Variants in ASB2 observed in about 807,000 individuals in gnomAD.
ASB2 encodes the protein ankyrin repeat and SOCS box containing 2, also known as ankyrin repeat and SOCS box protein 2.
In ASB2, 58 loss-of-function variants were observed where a neutral mutation model predicts 62.4. The ratio of observed to expected loss-of-function variants is 0.93; its 90% CI spans 0.75 to 1.16. The LOEUF is 1.16. Among genes scored for constraint, ASB2 ranks in the 50% most tolerant of loss-of-function variants. The pLI is 0.00. For missense variants in ASB2, 928 were observed against 887.9 expected (o/e 1.05, Z -0.57); for synonymous variants, 386 against 385.3 (o/e 1.00, Z -0.02).
At chr14:93,940,678 C>T (rs1030051562) in intron 7 of ASB2, among the ~76,000 whole-genome samples, 1 of 152,202 alleles carries the variant, frequency 6.6e-6, no homozygotes, top group Admixed American at 6.5e-5. Flanking sequence ...AGAACTTGGT[C>T]AGCCACTGCG....
intron 1 of ASB2, among the ~76,000 whole-genome samples, chr14:93,967,969 T>C (rs547907664): frequency 6.6e-6 from 1 of 152,334 alleles, no homozygotes; most frequent in South Asian, 2.1e-4. Flanking sequence ...CGCTATGCTG[T>C]AGAAGCATAT....
In ASB2 at chr14:93,960,748, G is replaced by A. The variant is rs1169914377; in HGVS notation, c.206+3586C>T. ...TGAGACAGAAGCAAATTGGGAAATG[G>A]TTTTTAACAGAATTCTGTTTTCTTT... On this transcript the variant is annotated intron_variant, in intron 2 of 9. Transcript: ENST00000555019. Among the ~76,000 whole-genome samples, 4 of 152,072 alleles carry A rather than the reference G, an allele frequency of 2.6e-5. No individual in the cohort carries two copies. In the East Asian group the frequency reaches 7.7e-4, roughly 29 times the overall value.
intron 8 of ASB2, among the ~76,000 whole-genome samples, chr14:93,938,233 C>CTTTTTTTTTGT: frequency 1.5e-5 from 1 of 67,586 alleles, no homozygotes; most frequent in Non-Finnish European, 2.6e-5. Flanking sequence ...TAAGTTCTGA[C>CTTTTTTTTTGT]TTTTTTTTTT....
Position 93,937,587 on chromosome 14 carries a change from T to C in ASB2, c.1771+111A>G, listed in dbSNP as rs1462498205. The C allele has an allele frequency of 3.6e-6, 4 of 1,126,326 alleles. No homozygotes were observed. The African/African-American group carries it at 6.2e-5, about 17-fold the overall frequency. 69.8% of individuals were successfully genotyped at this position (1,126,326 alleles called of 1,614,324 possible). On this transcript the variant is annotated intron_variant, in intron 9 of 9. Transcript: ENST00000555019. Reference sequence around the variant, plus strand: ...GTTTCATCCAAGGAGTTACAGAGCCTGGCAAGCAGCAGGTGCTCACAGGGT... The same window carrying C: ...GTTTCATCCAAGGAGTTACAGAGCCCGGCAAGCAGCAGGTGCTCACAGGGT...
chr14:93,957,080 C>A, intron 2 of ASB2: 1 of 1,443,876 alleles, frequency 6.9e-7, no homozygotes, highest in Middle Eastern at 2.0e-4. Context: ...TTGGAGGAAG[C>A]CCTGGGAGAT....
intron 9 of ASB2, among the ~76,000 whole-genome samples, chr14:93,936,338 T>TG (rs1888270030): frequency 1.3e-5 from 2 of 152,260 alleles, no homozygotes. Flanking sequence ...CTAAGGTCTC[T>TG]GCAGGGATTT....
At position 93,939,574 on chromosome 14, in the gene ASB2, A is replaced by G; in HGVS notation, c.1151T>C (p.Val384Ala). The change falls in exon 8 of 10, where the codon GTG becomes GCG. Residue 384 changes from valine to alanine, a missense_variant. By Grantham distance (64) the Val-to-Ala change is moderately conservative (BLOSUM62 0). Transcript: ENST00000555019. ...HLAAERNHDE[V>A]LEALLSARFD... Reference sequence around the variant, plus strand: ...GCGCGCGCTCAGCAGCGCCTCCAGCACCTCGTCGTGGTTGCGCTCGGCCGC... The same window carrying G: ...GCGCGCGCTCAGCAGCGCCTCCAGCGCCTCGTCGTGGTTGCGCTCGGCCGC... 1 of 1,585,780 alleles carries G rather than the reference A, an allele frequency of 6.3e-7. No homozygotes were observed. Among genetic ancestry groups the G allele is most frequent in the Non-Finnish European group, 8.5e-7 (1 of 1,169,942 alleles).
At chr14:93,957,931 C>T (rs1889283418) in intron 2 of ASB2, among the ~76,000 whole-genome samples, 1 of 152,148 alleles carries the variant, frequency 6.6e-6, no homozygotes, top group Admixed American at 6.5e-5. Flanking sequence ...GGGGAGGACT[C>T]TGCTACCAGT....
At chr14:93,940,220 C>T (rs181302477) in intron 7 of ASB2, 1 of 153,728 alleles carries the variant, frequency 6.5e-6, no homozygotes, top group Admixed American at 6.5e-5. Context: ...CAGGGACAGC[C>T]AGATCCCAGA....
Position 93,934,600 on chromosome 14 carries a change from C to T in ASB2, c.*56G>A, listed in dbSNP as rs1888202857. On this transcript the variant is annotated 3_prime_UTR_variant, in exon 10 of 10. Coordinates refer to ENST00000555019, the MANE Select transcript of ASB2 (RefSeq NM_001202429.2). ...CCCTTGGAGTTGGGAACACCGACGT[C>T]CTGAGACTTAGTAAGAAGAGTCTGA... The T allele has an allele frequency of 1.9e-6, 3 of 1,593,734 alleles. No homozygotes were observed. The highest frequency in any genetic ancestry group is 2.6e-6 in the Non-Finnish European group (3 of 1,164,678).
At chr14:93,963,718 G>T (rs1391808866) in intron 2 of ASB2, among the ~76,000 whole-genome samples, 2 of 152,210 alleles carry the variant, frequency 1.3e-5, no homozygotes, top group Admixed American at 6.5e-5. Flanking sequence ...GGTGGAAATG[G>T]TGATACTTCA....
rs1315342522 is a variant in ASB2 at position 93,953,363 on chromosome 14, G to A, written c.623C>T (p.Pro208Leu). Residue 208 changes from proline (P) to leucine (L), a missense_variant, in exon 5 of 10, where the codon CCG (proline) becomes CTG (leucine). Physicochemically the swap from Pro to Leu is moderately conservative, Grantham distance 98 (BLOSUM62 -3). Coordinates refer to ENST00000555019, the MANE Select transcript of ASB2 (RefSeq NM_001202429.2). ...GGTGGGGACCTCACCTTTGTAGAGCGGTGTCTCTCGGGATTTGTTGGAGAT... is the reference window on the plus strand; with the variant it reads ...GGTGGGGACCTCACCTTTGTAGAGCAGTGTCTCTCGGGATTTGTTGGAGAT... ...PDISNKSRETPLYKACERKNA... is the reference protein window; with the variant it reads ...PDISNKSRETLLYKACERKNA... The A allele has an allele frequency of 2.5e-6, 4 of 1,584,128 alleles. No individual in the cohort carries two copies. The highest frequency in any genetic ancestry group is 1.3e-5 in the African/African-American group (1 of 74,350).
At chr14:93,947,574 C>T in intron 6 of ASB2, 54 bp from the exon 7 acceptor site, 3 of 1,585,164 alleles carry the variant, frequency 1.9e-6, no homozygotes, top group East Asian at 2.2e-5. Flanking sequence ...AGTTGCTGTC[C>T]TCAATGTAAC....
intron 1 of ASB2, among the ~76,000 whole-genome samples, chr14:93,967,548 G>T (rs552181407): frequency 6.6e-5 from 10 of 152,326 alleles, no homozygotes; most frequent in African/African-American, 2.2e-4. Flanking sequence ...AGCTATAATT[G>T]CCCTGCTAAG....
At chr14:93,975,275 C>T (rs559441977) in intron 1 of ASB2, among the ~76,000 whole-genome samples, 1 of 152,368 alleles carries the variant, frequency 6.6e-6, no homozygotes, top group South Asian at 2.1e-4. Context: ...TTCAGGCCTT[C>T]CTCATTTACC....
chr14:93,943,823 C>A, intron 7 of ASB2: 1 of 400,336 alleles, frequency 2.5e-6, no homozygotes, highest in Non-Finnish European at 4.9e-6. Context: ...ACTTGCTTGT[C>A]AGTGTGCTTT....
At chr14:93,956,611 C>T (rs903302758) in intron 3 of ASB2, among the ~76,000 whole-genome samples, 155 bp downstream of exon 3, 8 of 152,196 alleles carry the variant, frequency 5.3e-5, no homozygotes, top group Admixed American at 2.6e-4. Context: ...GCAGTGGGGC[C>T]CCAGGGGGGC....
At chr14:93,961,863 T>A (rs1319485767) in intron 2 of ASB2, among the ~76,000 whole-genome samples, 1 of 151,818 alleles carries the variant, frequency 6.6e-6, no homozygotes, top group African/African-American at 2.4e-5. Flanking sequence ...CAAGGTGGGG[T>A]AGGGGAAGGA....
chr14:93,967,146 C>T (rs1040505319), intron 1 of ASB2, among the ~76,000 whole-genome samples: 1 of 152,174 alleles, frequency 6.6e-6, no homozygotes, highest in Non-Finnish European at 1.5e-5. Context: ...TAGACTAGAG[C>T]CTGTCCTCTG....
Sources: allele counts gnomAD v4.1 joint callset (sites outside exome capture counted in the v4.1 genomes callset), GRCh38; gene constraint gnomAD v4.1.1; transcripts MANE v1.5; gene names NCBI Gene and HGNC (gene_info 2026-07-23, HGNC 2026-07-21).